Variants in ABCC4 observed in about 807,000 individuals in gnomAD.
The protein encoded by ABCC4 is ATP binding cassette subfamily C member 4 (PEL blood group).
ABCC4 carries 102 observed loss-of-function variants against 168.5 expected under a neutral mutation model. The observed-to-expected ratio is 0.61, with a 90% confidence interval of 0.52 to 0.71. The LOEUF is 0.71. Ranked by LOEUF, ABCC4 falls within the 30% of genes least tolerant of loss-of-function variation. ABCC4 has a pLI of 0.00. For synonymous variants in ABCC4, 617 were observed against 590.7 expected (o/e 1.04, Z -0.65); for missense variants, 1,402 against 1,605.8 (o/e 0.87, Z 2.17).
chr13:95,072,472 C>A (rs2033764274), intron 24 of ABCC4, among the ~76,000 whole-genome samples: 1 of 151,982 alleles, frequency 6.6e-6, no homozygotes. Context: ...CTCACCCCTA[C>A]CCCCCAAAAA....
intron 29 of ABCC4, among the ~76,000 whole-genome samples, chr13:95,035,217 T>C (rs1013149130): frequency 6.6e-6 from 1 of 152,208 alleles, no homozygotes; most frequent in Admixed American, 6.5e-5. Flanking sequence ...GCCAGTTTCA[T>C]AGACTCTAAG....
chr13:95,212,762 G>A (rs1374786317), intron 4 of ABCC4, among the ~76,000 whole-genome samples: 1 of 151,964 alleles, frequency 6.6e-6, no homozygotes, highest in African/African-American at 2.4e-5. Context: ...AGAAATTAAG[G>A]GCCTGCTGAA....
chr13:95,208,253 CAG>C lies in ABCC4; in HGVS notation c.786-330_786-329del, dbSNP rs1267066623. Among the ~76,000 whole-genome samples, 3 of 148,914 alleles carry C rather than the reference CAG, an allele frequency of 2.0e-5. No individual in the cohort carries two copies. The Admixed American group carries it at 2.0e-4, about 10-fold the overall frequency. On this transcript the variant is annotated intron_variant, in intron 6 of 30. Transcript: ENST00000645237. The stretch of plus-strand genomic sequence containing the variant: ...CCGAGCCTGACGATAACACAGTGGT[CAG>C]AGAGTGCTAAAATGGGAATGAAGTG...
At chr13:95,274,502 C>T (rs2040923842) in intron 1 of ABCC4, among the ~76,000 whole-genome samples, 1 of 152,156 alleles carries the variant, frequency 6.6e-6, no homozygotes, top group Non-Finnish European at 1.5e-5. Context: ...CTGTAGCTTA[C>T]AGCCTGCCAA....
chr13:95,242,883 A>G (rs1234405130), intron 3 of ABCC4, among the ~76,000 whole-genome samples: 3 of 152,218 alleles, frequency 2.0e-5, no homozygotes, highest in Admixed American at 2.0e-4. Context: ...AAAAGAAAAA[A>G]AAAAATCCAA....
chr13:95,269,398 C>G (rs900358861), intron 1 of ABCC4: 6 of 393,410 alleles, frequency 1.5e-5, no homozygotes, highest in Admixed American at 1.4e-4. Context: ...TGCACTCCAG[C>G]CTGGGTGACA....
chr13:95,067,957 G>C (rs1393736263), intron 25 of ABCC4, among the ~76,000 whole-genome samples: 1 of 152,172 alleles, frequency 6.6e-6, no homozygotes, highest in African/African-American at 2.4e-5. Flanking sequence ...AGGAAGGCTA[G>C]GGTGGTATAT....
intron 1 of ABCC4, among the ~76,000 whole-genome samples, chr13:95,296,101 C>T (rs186395325): frequency 4.6e-4 from 69 of 151,506 alleles, no homozygotes; most frequent in Middle Eastern, 3.4e-3. Context: ...TCACTGCACT[C>T]CCACCTGGGC....
chr13:95,144,893 T>C (rs770799114), intron 19 of ABCC4, among the ~76,000 whole-genome samples: 6 of 152,094 alleles, frequency 3.9e-5, no homozygotes, highest in African/African-American at 7.2e-5. Flanking sequence ...GAAATTCATA[T>C]GGAATCAAAA....
At chr13:95,021,791 C>T in intron 30 of ABCC4, 109 bp from the exon 31 acceptor site, 4 of 732,524 alleles carry the variant, frequency 5.5e-6, no homozygotes, top group Non-Finnish European at 9.0e-6. Context: ...AAATCATATC[C>T]CTCACTGAGG....
chr13:95,270,018 C>T (rs1424013504), intron 1 of ABCC4, among the ~76,000 whole-genome samples: 1 of 151,998 alleles, frequency 6.6e-6, no homozygotes, highest in Non-Finnish European at 1.5e-5. Context: ...ATTACTGTTC[C>T]CTCTACTTTT....
rs532514289 is a variant in ABCC4, at chr13:95,258,429, C to G, written c.75-10676G>C. Among the ~76,000 whole-genome samples, 15 of 152,278 alleles carry G rather than the reference C, an allele frequency of 9.9e-5. No homozygotes were observed. In the East Asian group the frequency reaches 2.5e-3, roughly 25 times the overall value. On this transcript the variant is annotated intron_variant, in intron 1 of 30. Coordinates refer to ENST00000645237, the MANE Select transcript of ABCC4 (RefSeq NM_005845.5). The stretch of plus-strand genomic sequence containing the variant: ...TCCCATGATTAGATCTTCTCTCCTG[C>G]AGGTCTCAATCCCCAGAAAGTCCTA...
chr13:95,144,894 G>A (rs1233522673), intron 19 of ABCC4, among the ~76,000 whole-genome samples: 3 of 151,930 alleles, frequency 2.0e-5, no homozygotes, highest in Admixed American at 6.6e-5. Flanking sequence ...AAATTCATAT[G>A]GAATCAAAAA....
Position 95,207,868 on chromosome 13 carries a change from A to G in ABCC4, c.843T>C (p.Thr281=). 3 of 1,613,620 alleles carry G rather than the reference A, an allele frequency of 1.9e-6. No individual in the cohort carries two copies. The highest frequency in any genetic ancestry group is 2.2e-5 in the South Asian group (2 of 90,944). ...CGTACATTTTTATTATCCTTATACC[A>G]GTTATAACTTCATTCATGGTCCTGA... ...ARIRTMNEVI[T]GIRIIKMYAW... The change falls in exon 7 of 31, where the codon ACT becomes ACC. Residue 281 remains threonine, a synonymous_variant. Transcript: ENST00000645237.
At chr13:95,141,556 G>A (rs2036318776) in intron 19 of ABCC4, among the ~76,000 whole-genome samples, 1 of 151,598 alleles carries the variant, frequency 6.6e-6, no homozygotes, top group Non-Finnish European at 1.5e-5. Flanking sequence ...CAAGGTGGGG[G>A]GTGGGGGGTA....
intron 19 of ABCC4, among the ~76,000 whole-genome samples, chr13:95,135,260 C>T (rs1306999689): frequency 6.6e-6 from 1 of 152,040 alleles, no homozygotes; most frequent in Non-Finnish European, 1.5e-5. Context: ...TTAATTTAGA[C>T]TCGTAAAAGT....
At chr13:95,266,552 T>C (rs1416166354) in intron 1 of ABCC4, among the ~76,000 whole-genome samples, 4 of 152,156 alleles carry the variant, frequency 2.6e-5, no homozygotes, top group Non-Finnish European at 5.9e-5. Context: ...TCCCTAAGGA[T>C]GGGAAAACTC....
intron 25 of ABCC4, among the ~76,000 whole-genome samples, chr13:95,063,899 C>T (rs2033395826): frequency 6.6e-6 from 1 of 152,170 alleles, no homozygotes; most frequent in African/African-American, 2.4e-5. Context: ...TGACATCCTC[C>T]TTATTTAGAA....
At chr13:95,130,730 G>T (rs1029902295) in intron 19 of ABCC4, among the ~76,000 whole-genome samples, 2 of 152,006 alleles carry the variant, frequency 1.3e-5, no homozygotes, top group Non-Finnish European at 2.9e-5. Context: ...GTTTAAGGGG[G>T]AAAAAGAAAA....
Sources: allele counts gnomAD v4.1 joint callset (sites outside exome capture counted in the v4.1 genomes callset), GRCh38; gene constraint gnomAD v4.1.1; transcripts MANE v1.5; gene names NCBI Gene and HGNC (gene_info 2026-07-23, HGNC 2026-07-21).